RBM39: variants seen among roughly 807,000 people sequenced by gnomAD.
The protein encoded by RBM39 is RNA binding motif protein 39.
Under a neutral mutation model 79.6 loss-of-function variants are expected in RBM39, and 12 were observed. That is an observed-to-expected ratio of 0.15 (90% CI 0.10 to 0.24). The LOEUF is 0.24. Among genes scored for constraint, RBM39 ranks in the 10% least tolerant of loss-of-function variants. RBM39 has a pLI of 1.00. For synonymous variants in RBM39, 185 were observed against 208.4 expected, an observed-to-expected ratio of 0.89 and a Z score of 0.97; for missense variants, 243 against 653.4, an observed-to-expected ratio of 0.37 and a Z score of 6.85.
chr20:35,724,968 G>A (rs2038478246), intron 7 of RBM39, 70 bp downstream of exon 7: 2 of 1,132,804 alleles, frequency 1.8e-6, no homozygotes, highest in Non-Finnish European at 2.6e-6. Context: ...ATCAAATGAA[G>A]TATTTGATGT....
intron 14 of RBM39, among the ~76,000 whole-genome samples, chr20:35,706,052 A>C (rs535003730): frequency 6.6e-6 from 1 of 152,036 alleles, no homozygotes; most frequent in African/African-American, 2.4e-5. Context: ...AAAAATACAA[A>C]AATCAGCCAG....
In RBM39 at chr20:35,702,262, G is replaced by C. The variant is rs1434558492; in HGVS notation, c.*2219C>G. The C allele has an allele frequency of 6.6e-6, 1 of 152,152 alleles. No homozygotes were observed. Among genetic ancestry groups the C allele is most frequent in the East Asian group, 1.9e-4 (1 of 5,206 alleles). The allele number at this position is 152,152 out of a possible 1,614,324, so 9.4% of individuals were successfully genotyped here. The stretch of plus-strand genomic sequence containing the variant: ...CACTGACAGGCAGGAGGAAATTAAG[G>C]ACATTACCAGATTAGTTACAGATTT... On this transcript the variant is annotated 3_prime_UTR_variant, in exon 17 of 17. Coordinates refer to ENST00000253363, the MANE Select transcript of RBM39 (RefSeq NM_184234.3).
intron 8 of RBM39, 52 bp downstream of exon 8, chr20:35,724,518 G>A: frequency 4.4e-6 from 7 of 1,578,194 alleles, no homozygotes; most frequent in Middle Eastern, 3.4e-4. Context: ...CCATGCAACA[G>A]GAGGCTTTCA....
intron 6 of RBM39, among the ~76,000 whole-genome samples, chr20:35,728,169 T>G (rs1336488479): frequency 2.6e-5 from 4 of 152,202 alleles, no homozygotes; most frequent in African/African-American, 4.8e-5. Flanking sequence ...TCACTAAGAC[T>G]TCTGAGATGA....
chr20:35,730,898 TTTAA>T (rs558207410), intron 4 of RBM39, among the ~76,000 whole-genome samples: 164 of 152,042 alleles, frequency 1.1e-3, no homozygotes, highest in Admixed American at 2.7e-3. Flanking sequence ...CATCACGGAG[TTTAA>T]TTCTTTTTAT....
Position 35,721,887 on chromosome 20 carries a change from A to G in RBM39, c.688-10T>C. The stretch of plus-strand genomic sequence containing the variant: ...CTCTGTTTTTTTCTGCCTAGAAGAC[A>G]AAATACACGTCACACAGAGATAACA... On this transcript the variant is annotated splice_polypyrimidine_tract_variant and intron_variant, in intron 8 of 16. Transcript: ENST00000253363. 1 of 1,612,078 alleles carries G rather than the reference A, an allele frequency of 6.2e-7. No individual in the cohort carries two copies. Among genetic ancestry groups the G allele is most frequent in the South Asian group, 1.1e-5 (1 of 91,032 alleles).
At chr20:35,735,120 C>G in intron 3 of RBM39, 1 of 1,473,038 alleles carries the variant, frequency 6.8e-7, no homozygotes, top group Non-Finnish European at 8.9e-7. Context: ...TCATTTATTC[C>G]AAAATTTATA....
chr20:35,717,311 A>T (rs1326107519), intron 9 of RBM39, among the ~76,000 whole-genome samples: 3 of 151,802 alleles, frequency 2.0e-5, no homozygotes, highest in African/African-American at 7.3e-5. Flanking sequence ...AAAAAAAAAC[A>T]AACTCTAGAA....
chr20:35,723,516 G>A (rs2038258476), intron 8 of RBM39, among the ~76,000 whole-genome samples: 1 of 152,166 alleles, frequency 6.6e-6, no homozygotes. Context: ...TTGCCTCACT[G>A]CAACCTCTGC....
chr20:35,719,577 T>C (rs911374557), intron 9 of RBM39, among the ~76,000 whole-genome samples: 4 of 151,676 alleles, frequency 2.6e-5, no homozygotes, highest in Non-Finnish European at 5.9e-5. Flanking sequence ...CTCAGGAGGC[T>C]GAGGCAGGAG....
intron 3 of RBM39, among the ~76,000 whole-genome samples, chr20:35,733,984 A>T (rs1006114720): frequency 6.6e-6 from 1 of 152,226 alleles, no homozygotes; most frequent in African/African-American, 2.4e-5. Flanking sequence ...TTTCAAAATC[A>T]GTTTATTCCA....
rs2035354690 is a variant in RBM39, at chr20:35,703,013, T to C, written c.*1468A>G. ...AAAACGACTGATATGAAATTCTGAA[T>C]AAGCCTGTAAAACTTGTGCTTCAAT... On this transcript the variant is annotated 3_prime_UTR_variant, in exon 17 of 17. Transcript: ENST00000253363. 6.6e-6 allele frequency: 1 copy of C among 152,032 alleles called. No individual in the cohort carries two copies. Among genetic ancestry groups the C allele is most frequent in the Non-Finnish European group, 1.5e-5 (1 of 67,970 alleles). 9.4% of individuals were successfully genotyped at this position (152,032 alleles called of 1,614,324 possible).
At chr20:35,723,561 C>T (rs2038266625) in intron 8 of RBM39, among the ~76,000 whole-genome samples, 1 of 152,176 alleles carries the variant, frequency 6.6e-6, no homozygotes, top group Non-Finnish European at 1.5e-5. Flanking sequence ...GCCTCGGCCT[C>T]CTGAGTAGCT....
At position 35,707,107 on chromosome 20, in the gene RBM39, G is replaced by A. The variant is rs556210017; in HGVS notation, c.1307+13C>T. The A allele has an allele frequency of 1.8e-5, 26 of 1,461,764 alleles. No homozygotes were observed. In the African/African-American group the frequency reaches 3.0e-4, roughly 17 times the overall value. 90.5% of individuals were successfully genotyped at this position (1,461,764 alleles called of 1,614,324 possible). A position where few individuals can be genotyped will look rare whatever the true frequency, so the allele number is the denominator to read the frequency against. On this transcript the variant is annotated intron_variant, in intron 14 of 16. Coordinates refer to ENST00000253363, the MANE Select transcript of RBM39 (RefSeq NM_184234.3). ...CTTGATAGGAAATATCAAGAATAAAGTCCATTACTTACGTTTGAGGGTTAA... is the reference window on the plus strand; with the variant it reads ...CTTGATAGGAAATATCAAGAATAAAATCCATTACTTACGTTTGAGGGTTAA...
intron 4 of RBM39, among the ~76,000 whole-genome samples, chr20:35,729,906 C>A (rs1233886979): frequency 6.6e-6 from 1 of 151,788 alleles, no homozygotes; most frequent in African/African-American, 2.4e-5. Context: ...TCCCTCACAC[C>A]AGCAGTAACT....
intron 12 of RBM39, among the ~76,000 whole-genome samples, chr20:35,711,106 G>C (rs983449480): frequency 2.0e-5 from 3 of 152,118 alleles, no homozygotes; most frequent in African/African-American, 7.2e-5. Flanking sequence ...GCAAATCAAC[G>C]TATCTGATAC....
At chr20:35,734,625 A>G in intron 3 of RBM39, 1 of 339,934 alleles carries the variant, frequency 2.9e-6, no homozygotes, top group South Asian at 7.1e-5. Flanking sequence ...GCCAAAAGAA[A>G]ACACTTGAAA....
chr20:35,715,035 C>G (rs113730848), intron 10 of RBM39, among the ~76,000 whole-genome samples: 7,172 of 152,184 alleles, frequency 0.047, 275 homozygotes, highest in Non-Finnish European at 0.066. Flanking sequence ...GCCTAATGAC[C>G]AGTAAGTTAA....
intron 6 of RBM39, among the ~76,000 whole-genome samples, chr20:35,728,396 T>C (rs1395815236): frequency 2.0e-5 from 3 of 152,166 alleles, no homozygotes; most frequent in Non-Finnish European, 2.9e-5. Context: ...CGTAACTGTA[T>C]TACCCATATA....
Sources: gnomAD v4.1 joint callset for allele counts (sites outside exome capture counted in the v4.1 genomes callset) on GRCh38, gnomAD v4.1.1 for gene constraint, MANE v1.5 for transcripts, NCBI Gene and HGNC (gene_info 2026-07-23, HGNC 2026-07-21) for gene names.